Variants in SERINC5 observed in about 807,000 individuals in gnomAD.
The protein encoded by SERINC5 is serine incorporator 5, also known as chromosome 5 open reading frame 12.
A neutral mutation model predicts 63.1 loss-of-function variants in SERINC5; 41 were observed. The observed-to-expected ratio is 0.65, with a 90% CI of 0.51 to 0.84. SERINC5 has a LOEUF of 0.84. Among genes scored for constraint, SERINC5 ranks in the 40% least tolerant of loss-of-function variants. The pLI, the probability that SERINC5 is intolerant of heterozygous loss-of-function variation, is 0.00. For synonymous variants in SERINC5, 222 were observed against 215.2 expected (o/e 1.03, Z -0.28); for missense variants, 523 against 573.0 (o/e 0.91, Z 0.89).
chr5:80,168,975 A>G (rs1257803087), intron 6 of SERINC5, among the ~76,000 whole-genome samples: 1 of 152,168 alleles, frequency 6.6e-6, no homozygotes, highest in East Asian at 1.9e-4. Context: ...CGGCCCTTTC[A>G]TTCAACTTTT....
chr5:80,248,006 C>G (rs140406786), intron 1 of SERINC5, among the ~76,000 whole-genome samples: 238 of 151,944 alleles, frequency 1.6e-3, no homozygotes, highest in African/African-American at 5.5e-3. Flanking sequence ...ACACACACCA[C>G]CATGCCCTGG....
At chr5:80,252,492 T>TA (rs149577707) in intron 1 of SERINC5, among the ~76,000 whole-genome samples, 228 of 152,308 alleles carry the variant, frequency 1.5e-3, no homozygotes, top group African/African-American at 5.3e-3. Context: ...TTTGAACCCA[T>TA]AAAGTGTTGA....
At chr5:80,147,319 GTTCTAT>G in intron 9 of SERINC5, 35 bp from the exon 10 acceptor site, 2 of 1,597,636 alleles carry the variant, frequency 1.3e-6, no homozygotes, top group Non-Finnish European at 1.7e-6. Context: ...GGCGGCTTGT[GTTCTAT>G]TTCTAGTCCA....
At chr5:80,226,378 C>T (rs1751166842) in intron 1 of SERINC5, among the ~76,000 whole-genome samples, 1 of 152,188 alleles carries the variant, frequency 6.6e-6, no homozygotes, top group Admixed American at 6.5e-5. Context: ...TTCCAGAAGC[C>T]ACTTTGGGAT....
intron 2 of SERINC5, among the ~76,000 whole-genome samples, chr5:80,200,322 C>CAA (rs11397908): frequency 0.17 from 22,707 of 136,142 alleles, 2,016 homozygotes; most frequent in Admixed American, 0.2. Context: ...CTAAAAAATA[C>CAA]AAAAAAAAAA....
intron 1 of SERINC5, among the ~76,000 whole-genome samples, chr5:80,208,129 G>A (rs868135856): frequency 5.3e-5 from 8 of 152,196 alleles, no homozygotes; most frequent in South Asian, 4.1e-4. Flanking sequence ...AGCTTTTACT[G>A]AAAAAGTTAC....
intron 8 of SERINC5, chr5:80,158,043 C>T (rs1318417588): frequency 6.6e-6 from 1 of 152,096 alleles, no homozygotes; most frequent in Non-Finnish European, 1.5e-5. Flanking sequence ...TGGCTGAATT[C>T]AATGGAATTG....
chr5:80,169,632 T>G, intron 5 of SERINC5, 86 bp from the exon 6 acceptor site: 1 of 1,048,338 alleles, frequency 9.5e-7, no homozygotes, highest in Non-Finnish European at 1.4e-6. Context: ...TCACCATCCC[T>G]CAGGCAGTAA....
chr5:80,113,904 C>T (rs1373341329), intron 11 of SERINC5, among the ~76,000 whole-genome samples: 2 of 151,928 alleles, frequency 1.3e-5, no homozygotes, highest in Non-Finnish European at 2.9e-5. Flanking sequence ...GTGTGCCCCC[C>T]CACCCATGCC....
chr5:80,206,610 T>C (rs534856490), intron 1 of SERINC5, among the ~76,000 whole-genome samples: 1 of 152,208 alleles, frequency 6.6e-6, no homozygotes, highest in Non-Finnish European at 1.5e-5. Context: ...CATTACTGCA[T>C]GTGTGGGTGT....
chr5:80,154,947 T>C (rs1746426332), intron 8 of SERINC5, among the ~76,000 whole-genome samples: 1 of 152,094 alleles, frequency 6.6e-6, no homozygotes, highest in South Asian at 2.1e-4. Flanking sequence ...CACCAAGCCA[T>C]CTGAAGAAAA....
At chr5:80,225,872 C>T (rs1050690689) in intron 1 of SERINC5, among the ~76,000 whole-genome samples, 1 of 152,214 alleles carries the variant, frequency 6.6e-6, no homozygotes, top group African/African-American at 2.4e-5. Flanking sequence ...ATATCCTGTG[C>T]TTCCATCGAA....
chr5:80,152,143 G>C (rs1746230436), intron 8 of SERINC5, among the ~76,000 whole-genome samples: 1 of 152,222 alleles, frequency 6.6e-6, no homozygotes, highest in Non-Finnish European at 1.5e-5. Flanking sequence ...TGCCTGGTCA[G>C]AGGAAGACAG....
chr5:80,115,318 G>C lies in SERINC5; in HGVS notation c.1239-1693C>G, dbSNP rs1049279892. 1.4e-4 allele frequency among the ~76,000 whole-genome samples: 22 copies of C among 151,988 alleles called. 1 individual carries two copies. The highest frequency in any genetic ancestry group is 5.3e-4 in the African/African-American group (22 of 41,270). ...CCAAGCCTTGCTCAAAACCCACCCA[G>C]GAACCAGACCTATCATCCAAGGTTG... On this transcript the variant is annotated intron_variant, in intron 11 of 12. Coordinates refer to the SERINC5 transcript ENST00000509193.
chr5:80,182,112 G>A (rs1748468932), intron 2 of SERINC5, among the ~76,000 whole-genome samples: 1 of 152,202 alleles, frequency 6.6e-6, no homozygotes, highest in Admixed American at 6.5e-5. Context: ...CAGATCTAAT[G>A]AGTGGATGAG....
At chr5:80,168,383 T>G (rs1276612141) in intron 6 of SERINC5, among the ~76,000 whole-genome samples, 1 of 152,100 alleles carries the variant, frequency 6.6e-6, no homozygotes, top group African/African-American at 2.4e-5. Flanking sequence ...TATTTTTTTG[T>G]AGAGACGGGG....
chr5:80,123,639 C>T (rs1274973751), intron 11 of SERINC5, among the ~76,000 whole-genome samples: 1 of 152,146 alleles, frequency 6.6e-6, no homozygotes, highest in East Asian at 1.9e-4. Context: ...CTCACCAGCC[C>T]CCAAATCCAA....
chr5:80,220,501 C>T (rs1326152040), intron 1 of SERINC5, among the ~76,000 whole-genome samples: 1 of 152,154 alleles, frequency 6.6e-6, no homozygotes, highest in Admixed American at 6.5e-5. Context: ...ATTTATTTCT[C>T]CAGTCAGCTG....
At chr5:80,233,906 G>T (rs756681273) in intron 1 of SERINC5, among the ~76,000 whole-genome samples, 6 of 148,892 alleles carry the variant, frequency 4.0e-5, no homozygotes, top group Non-Finnish European at 7.4e-5. Flanking sequence ...CTGCCTCCCG[G>T]GTTCAAGTGA....
Sources: allele counts gnomAD v4.1 joint callset (sites outside exome capture counted in the v4.1 genomes callset), GRCh38; gene constraint gnomAD v4.1.1; transcripts MANE v1.5; gene names NCBI Gene and HGNC (gene_info 2026-07-23, HGNC 2026-07-21).